LSAMP: variants seen among roughly 807,000 people sequenced by gnomAD.
The protein encoded by LSAMP is limbic system-associated membrane protein.
In LSAMP, 7 loss-of-function variants were observed where a neutral mutation model predicts 38.6. That is an observed-to-expected ratio of 0.18 (90% confidence interval 0.10 to 0.34). The LOEUF (loss-of-function observed/expected upper bound fraction) is 0.34. Among genes scored for constraint, LSAMP ranks in the 10% least tolerant of loss-of-function variants. LSAMP has a pLI of 1.00. For missense variants in LSAMP, 313 were observed against 420.0 expected (o/e 0.75, Z 2.23); for synonymous variants, 154 against 166.8 (o/e 0.92, Z 0.59).
intron 1 of LSAMP, among the ~76,000 whole-genome samples, chr3:116,112,199 C>G (rs1469618007): frequency 1.3e-5 from 2 of 152,154 alleles, no homozygotes; most frequent in East Asian, 3.9e-4. Flanking sequence ...TGTGGAAGTT[C>G]AAGATTAGTA....
chr3:115,906,111 C>G (rs1412380801), intron 3 of LSAMP, among the ~76,000 whole-genome samples: 1 of 152,142 alleles, frequency 6.6e-6, no homozygotes, highest in Non-Finnish European at 1.5e-5. Context: ...TTGCCAATGT[C>G]AAAAAGATGA....
chr3:116,258,254 CT>C (rs1253979334), intron 1 of LSAMP, among the ~76,000 whole-genome samples: 1 of 151,570 alleles, frequency 6.6e-6, no homozygotes, highest in Non-Finnish European at 1.5e-5. Flanking sequence ...ATTTTCCAAC[CT>C]ATATTATAAT....
At chr3:115,952,088 T>C (rs1938310662) in intron 3 of LSAMP, among the ~76,000 whole-genome samples, 1 of 152,152 alleles carries the variant, frequency 6.6e-6, no homozygotes, top group African/African-American at 2.4e-5. Context: ...ATGAATGTGG[T>C]GAAAAGGGAA....
intron 2 of LSAMP, among the ~76,000 whole-genome samples, chr3:116,085,876 A>C (rs934354669): frequency 6.6e-6 from 1 of 152,240 alleles, no homozygotes; most frequent in Non-Finnish European, 1.5e-5. Context: ...ATTTTTTCAG[A>C]AGAACTTTGC....
chr3:116,318,892 A>G (rs1041416369), intron 1 of LSAMP, among the ~76,000 whole-genome samples: 2 of 152,026 alleles, frequency 1.3e-5, no homozygotes, highest in African/African-American at 4.8e-5. Context: ...CCTCTATTCT[A>G]TCAGGCTGAC....
intron 3 of LSAMP, among the ~76,000 whole-genome samples, chr3:115,918,342 A>T (rs1275096638): frequency 6.6e-6 from 1 of 152,248 alleles, no homozygotes; most frequent in Non-Finnish European, 1.5e-5. Flanking sequence ...CAAAGCTGAG[A>T]AATGAATGAT....
At chr3:116,019,238 G>C (rs990627516) in intron 3 of LSAMP, among the ~76,000 whole-genome samples, 5 of 150,420 alleles carry the variant, frequency 3.3e-5, no homozygotes, top group African/African-American at 9.8e-5. Flanking sequence ...CAGATAGATA[G>C]ATGATAGCCA....
intron 3 of LSAMP, among the ~76,000 whole-genome samples, chr3:115,978,512 G>GC: frequency 6.6e-6 from 1 of 152,012 alleles, no homozygotes; most frequent in South Asian, 2.1e-4. Context: ...ATGGTGTCAA[G>GC]CAAGAAATTT....
At chr3:115,973,049 G>T (rs9815418) in intron 3 of LSAMP, among the ~76,000 whole-genome samples, 1 of 151,922 alleles carries the variant, frequency 6.6e-6, no homozygotes, top group East Asian at 1.9e-4. Flanking sequence ...GTTTAAATGC[G>T]GTATTGGATC....
Position 116,445,124 on chromosome 3 carries a change from A to G in LSAMP, c.-93T>C. On this transcript the variant is annotated 5_prime_UTR_variant, in exon 1 of 7. Transcript: ENST00000490035. ...CTTCACCAACACGGGGCTTTCATCC[A>G]CAGCGAGCGCAGAGCGGGCTTTGCC... 1 of 1,333,414 alleles carries G rather than the reference A, an allele frequency of 7.5e-7. No individual in the cohort carries two copies. Among genetic ancestry groups the G allele is most frequent in the South Asian group, 1.4e-5 (1 of 71,338 alleles). The allele number at this position is 1,333,414 out of a possible 1,614,324, so 82.6% of individuals were successfully genotyped here.
At chr3:115,846,939 G>A (rs1422438650) in intron 4 of LSAMP, among the ~76,000 whole-genome samples, 1 of 152,104 alleles carries the variant, frequency 6.6e-6, no homozygotes, top group East Asian at 1.9e-4. Flanking sequence ...TTGTTACCAT[G>A]GGACACAATG....
chr3:116,285,781 T>C (rs905479161), intron 1 of LSAMP, among the ~76,000 whole-genome samples: 1 of 152,160 alleles, frequency 6.6e-6, no homozygotes, highest in African/African-American at 2.4e-5. Context: ...GCCTTCTTTT[T>C]TTTCCTTCCA....
intron 1 of LSAMP, among the ~76,000 whole-genome samples, chr3:116,112,669 T>C (rs1275292980): frequency 2.6e-5 from 4 of 152,116 alleles, no homozygotes; most frequent in Admixed American, 2.6e-4. Context: ...TCTGGTGGCA[T>C]CCACAGGCAG....
At position 116,075,663 on chromosome 3, in the gene LSAMP, C is replaced by T. The variant is rs147440141; in HGVS notation, c.388+10661G>A. On this transcript the variant is annotated intron_variant, in intron 2 of 6. Transcript: ENST00000490035. ...TTCAAGTGATCTCCTGCCTCAGCTTCCCAAGTAGCTGGGACTACAGGCCCA... is the reference window on the plus strand; with the variant it reads ...TTCAAGTGATCTCCTGCCTCAGCTTTCCAAGTAGCTGGGACTACAGGCCCA... 7.9e-3 allele frequency among the ~76,000 whole-genome samples: 1,193 copies of T among 151,644 alleles called. 15 individuals are homozygous for T. The highest frequency in any genetic ancestry group is 0.026 in the African/African-American group (1,057 of 41,324).
chr3:115,888,149 A>G (rs545759685), intron 3 of LSAMP, among the ~76,000 whole-genome samples: 7 of 152,098 alleles, frequency 4.6e-5, no homozygotes, highest in African/African-American at 1.7e-4. Flanking sequence ...AACTATTTAT[A>G]TATACAATTA....
At chr3:116,292,168 C>A (rs1257547070) in intron 1 of LSAMP, among the ~76,000 whole-genome samples, 1 of 152,146 alleles carries the variant, frequency 6.6e-6, no homozygotes, top group African/African-American at 2.4e-5. Context: ...ATGGAATGTA[C>A]ATTTTATAAT....
In LSAMP at chr3:116,255,537, T is replaced by C. The variant is rs1479191401; in HGVS notation, c.156-168981A>G. On this transcript the variant is annotated intron_variant, in intron 1 of 6. Coordinates refer to ENST00000490035, the MANE Select transcript of LSAMP (RefSeq NM_002338.5). ...ACCATAAAAATTGCACATGGTCTTC[T>C]GACCGCTGGAGCATTTAACTTTAGC... Among the ~76,000 whole-genome samples the C allele has an allele frequency of 2.6e-5, 4 of 152,222 alleles. No homozygotes were observed. In the East Asian group the frequency reaches 5.8e-4, roughly 22 times the overall value.
At chr3:116,198,244 G>A (rs1483610437) in intron 1 of LSAMP, among the ~76,000 whole-genome samples, 1 of 152,178 alleles carries the variant, frequency 6.6e-6, no homozygotes, top group Admixed American at 6.5e-5. Context: ...ATAAAAAGGG[G>A]AAAATAGACT....
At chr3:116,230,014 C>A (rs767560646) in intron 1 of LSAMP, among the ~76,000 whole-genome samples, 88 of 152,202 alleles carry the variant, frequency 5.8e-4, no homozygotes, top group Middle Eastern at 3.4e-3. Flanking sequence ...GTGCTGTAAG[C>A]AGAGAAAGAG....
Sources: gnomAD v4.1 joint callset for allele counts (sites outside exome capture counted in the v4.1 genomes callset) on GRCh38, gnomAD v4.1.1 for gene constraint, MANE v1.5 for transcripts, NCBI Gene and HGNC (gene_info 2026-07-23, HGNC 2026-07-21) for gene names.